The following ALG13 variants were observed in gnomAD, a reference collection of about 807,000 sequenced individuals.
ALG13 encodes UDP-N-acetylglucosamine transferase subunit ALG13.
Under a neutral mutation model 87.8 loss-of-function variants are expected in ALG13, and 11 were observed. That is an observed-to-expected ratio of 0.13 (90% CI 0.08 to 0.21). The LOEUF (loss-of-function observed/expected upper bound fraction) is 0.21. Among genes scored for constraint, ALG13 ranks in the 10% least tolerant of loss-of-function variants. The probability of loss-of-function intolerance (pLI) is 1.00; values close to 1 mark genes in which losing one functional copy is unlikely to be tolerated. For missense variants in ALG13, 756 were observed against 866.1 expected (o/e 0.87, Z 1.60); for synonymous variants, 320 against 306.3 (o/e 1.04, Z -0.47).
intron 3 of ALG13, among the ~76,000 whole-genome samples, chrX:111,698,586 A>G (rs1352500792): frequency 9.0e-6 from 1 of 111,477 alleles, no homozygotes; most frequent in African/African-American, 3.3e-5. Context: ...CAACTTATTT[A>G]GATTCCGCAT....
At chrX:111,683,844 AAGAAGTGGTC>A (rs1486177472) in intron 2 of ALG13, among the ~76,000 whole-genome samples, 2 of 111,932 alleles carry the variant, frequency 1.8e-5, no homozygotes, top group Non-Finnish European at 3.8e-5. Context: ...GTAAACCCAT[AAGAAGTGGTC>A]AGGGTTTTTC....
At chrX:111,686,876 T>C (rs1935090499) in intron 3 of ALG13, among the ~76,000 whole-genome samples, 1 of 112,574 alleles carries the variant, frequency 8.9e-6, no homozygotes, top group African/African-American at 3.2e-5. Context: ...CAGTTTTAAA[T>C]GTCTTTTTTT....
intron 3 of ALG13, among the ~76,000 whole-genome samples, chrX:111,703,062 C>G (rs1356669942): frequency 9.0e-6 from 1 of 110,932 alleles, no homozygotes; most frequent in Non-Finnish European, 1.9e-5. Context: ...CCCCTGACTT[C>G]AGAAACTTTA....
chrX:111,716,126 T>A (rs1940560042), intron 8 of ALG13, among the ~76,000 whole-genome samples: 1 of 111,912 alleles, frequency 8.9e-6, no homozygotes, highest in Non-Finnish European at 1.9e-5. Flanking sequence ...TCATTTTATT[T>A]GTGTTTGTCT....
At chrX:111,699,602 G>T (rs1168556160) in intron 3 of ALG13, among the ~76,000 whole-genome samples, 1 of 111,540 alleles carries the variant, frequency 9.0e-6, no homozygotes, top group African/African-American at 3.3e-5. Context: ...TCTTCTGCCC[G>T]TGGATAGTCA....
chrX:111,694,039 TTTTA>T (rs1397645221), intron 3 of ALG13, among the ~76,000 whole-genome samples: 5 of 109,272 alleles, frequency 4.6e-5, no homozygotes, highest in Non-Finnish European at 7.6e-5. Flanking sequence ...TTATTTCTAT[TTTTA>T]TTTATTTATT....
chrX:111,700,827 G>A lies in ALG13; in HGVS notation c.384-7200G>A, dbSNP rs1047073363. On this transcript the variant is annotated intron_variant, in intron 3 of 26. Coordinates refer to ENST00000394780, the MANE Select transcript of ALG13 (RefSeq NM_001099922.3). ...AGGCTGGTATTGAACTCCTGACCTCGTGATCTGCCCGCCTTGGCCTCCCAA... is the reference window on the plus strand; with the variant it reads ...AGGCTGGTATTGAACTCCTGACCTCATGATCTGCCCGCCTTGGCCTCCCAA... Among the ~76,000 whole-genome samples, 11 of 102,902 alleles carry A rather than the reference G, an allele frequency of 1.1e-4. No individual in the cohort carries two copies. In the Admixed American group the frequency reaches 1.2e-3, roughly 11 times the overall value. 89.4% of individuals were successfully genotyped at this position (102,902 alleles called of 115,157 possible).
chrX:111,744,768 ACCTCCT>A lies in ALG13; in HGVS notation c.2830_2835del (p.Pro944_Pro945del), dbSNP rs56717389. On this transcript the variant is annotated inframe_deletion, in exon 24 of 27. Transcript: ENST00000394780. The stretch of plus-strand genomic sequence containing the variant: ...CACCACCACCACCACCACCACCACC[ACCTCCT>A]CCTCCTCCTCCTCCTCCTCCTCCTC... 1.4e-3 allele frequency: 829 copies of A among 591,212 alleles called. No homozygotes were observed. The highest frequency in any genetic ancestry group is 3.9e-3 in the South Asian group (93 of 23,843). 48.7% of individuals were successfully genotyped at this position (591,212 alleles called of 1,213,427 possible).
At chrX:111,727,155 G>T in intron 16 of ALG13, 100 bp downstream of exon 16, 3 of 1,014,433 alleles carry the variant, frequency 3.0e-6, no homozygotes, top group Non-Finnish European at 4.1e-6. Flanking sequence ...GGGTCTCTGT[G>T]ACATACAGAC....
intron 21 of ALG13, among the ~76,000 whole-genome samples, chrX:111,732,456 C>T (rs950667305): frequency 8.9e-6 from 1 of 112,038 alleles, no homozygotes; most frequent in African/African-American, 3.2e-5. Flanking sequence ...GACTGTTCTT[C>T]ATAGTCACCC....
At chrX:111,721,560 G>A (rs1202378628) in intron 11 of ALG13, 43 bp from the exon 12 acceptor site, 7 of 759,592 alleles carry the variant, frequency 9.2e-6, no homozygotes, top group Admixed American at 7.7e-5. Flanking sequence ...ATAGAAGGAA[G>A]ACTAAGGATT....
At chrX:111,758,423 CA>C (rs978062884) in intron 26 of ALG13, among the ~76,000 whole-genome samples, 3 of 112,160 alleles carry the variant, frequency 2.7e-5, no homozygotes, top group African/African-American at 9.7e-5. Context: ...GCCAAAGATA[CA>C]ATTTTAGCTT....
intron 3 of ALG13, chrX:111,689,416 A>C: frequency 1.3e-6 from 1 of 752,465 alleles, no homozygotes. Flanking sequence ...ATGAAAGGCA[A>C]GGTCTACTCA....
At chrX:111,690,488 G>A in intron 3 of ALG13, 1 of 548,462 alleles carries the variant, frequency 1.8e-6, no homozygotes, top group Non-Finnish European at 2.2e-6. Context: ...CAAAGGATTT[G>A]TTGGTAAGAT....
chrX:111,693,032 C>T (rs1304645159), intron 3 of ALG13, among the ~76,000 whole-genome samples: 2 of 111,187 alleles, frequency 1.8e-5, no homozygotes, highest in African/African-American at 6.5e-5. Context: ...CTGCCTGCCT[C>T]AGCCTCCCAA....
Position 111,751,739 on chromosome X carries a change from A to G in ALG13, c.2933-1051A>G, listed in dbSNP as rs757505391. The stretch of plus-strand genomic sequence containing the variant: ...AAGCTGATTTTAAAAAAAAATGGCA[A>G]TAAATGTATTTGTATGTGTAGGGAG... On this transcript the variant is annotated intron_variant, in intron 24 of 26. Transcript: ENST00000394780. 9.1e-3 allele frequency among the ~76,000 whole-genome samples: 1,022 copies of G among 111,808 alleles called. 5 individuals carry two copies. The highest frequency in any genetic ancestry group is 0.015 in the Non-Finnish European group (799 of 53,170).
intron 24 of ALG13, among the ~76,000 whole-genome samples, chrX:111,751,563 C>T (rs188433878): frequency 3.0e-4 from 33 of 111,721 alleles, no homozygotes; most frequent in Admixed American, 1.6e-3. Context: ...AATACTGCTA[C>T]GTGCGTTTGT....
chrX:111,710,989 A>G (rs1299541768), intron 5 of ALG13: 1 of 112,392 alleles, frequency 8.9e-6, no homozygotes, highest in Non-Finnish European at 1.9e-5. Flanking sequence ...GAGCCACAAC[A>G]CCCAGCCTGT....
chrX:111,681,643 C>T, intron 1 of ALG13: 1 of 912,463 alleles, frequency 1.1e-6, no homozygotes, highest in Non-Finnish European at 1.4e-6. Flanking sequence ...CTCGGGTTTT[C>T]CACCGGGCTC....
Sources: allele counts gnomAD v4.1 joint callset (sites outside exome capture counted in the v4.1 genomes callset), GRCh38; gene constraint gnomAD v4.1.1; transcripts MANE v1.5; gene names NCBI Gene and HGNC (gene_info 2026-07-23, HGNC 2026-07-21).